Variants in NELL1 observed in about 807,000 individuals in gnomAD.
The protein encoded by NELL1 is protein kinase C-binding protein NELL1.
A neutral mutation model predicts 107.4 loss-of-function variants in NELL1; 76 were observed. The observed-to-expected ratio is 0.71, with a 90% CI of 0.59 to 0.86. The LOEUF (loss-of-function observed/expected upper bound fraction) is 0.86, where lower values mean the gene tolerates loss of function less well. Among genes scored for constraint, NELL1 ranks in the 40% least tolerant of loss-of-function variants. NELL1 has a pLI of 0.00. For synonymous variants in NELL1, 353 were observed against 341.2 expected, an observed-to-expected ratio of 1.03 and a Z score of -0.38; for missense variants, 1,024 against 1,005.5, an observed-to-expected ratio of 1.02 and a Z score of -0.25.
intron 5 of NELL1, among the ~76,000 whole-genome samples, chr11:20,886,628 C>T (rs992348115): frequency 2.0e-5 from 3 of 152,104 alleles, no homozygotes; most frequent in Admixed American, 2.0e-4. Context: ...CGCATGTTCT[C>T]ACTCACAGGT....
intron 15 of NELL1, among the ~76,000 whole-genome samples, chr11:21,384,115 C>T (rs1354390804): frequency 6.6e-6 from 1 of 151,956 alleles, no homozygotes; most frequent in Non-Finnish European, 1.5e-5. Flanking sequence ...ATGACAACAT[C>T]ATCATCTCTA....
chr11:21,277,278 G>A (rs1050515819), intron 14 of NELL1, among the ~76,000 whole-genome samples: 2 of 152,126 alleles, frequency 1.3e-5, no homozygotes, highest in African/African-American at 4.8e-5. Context: ...CATTTATGCA[G>A]CCAAAAGACA....
chr11:20,948,565 T>C (rs147199776), intron 11 of NELL1, among the ~76,000 whole-genome samples: 1 of 152,108 alleles, frequency 6.6e-6, no homozygotes, highest in East Asian at 1.9e-4. Context: ...TACTGTACTA[T>C]CCAATAAATT....
intron 2 of NELL1, among the ~76,000 whole-genome samples, chr11:20,739,347 T>C (rs1377794778): frequency 2.0e-5 from 3 of 152,232 alleles, no homozygotes; most frequent in African/African-American, 7.2e-5. Context: ...CTTTGTGCTG[T>C]ATTTGCAGAT....
intron 14 of NELL1, among the ~76,000 whole-genome samples, chr11:21,295,978 C>T (rs1364659536): frequency 6.6e-6 from 1 of 151,960 alleles, no homozygotes; most frequent in Non-Finnish European, 1.5e-5. Flanking sequence ...CTCATATGGG[C>T]TCTGATCAGT....
At chr11:20,869,562 G>A (rs1849158268) in intron 4 of NELL1, among the ~76,000 whole-genome samples, 1 of 152,160 alleles carries the variant, frequency 6.6e-6, no homozygotes, top group South Asian at 2.1e-4. Context: ...TACAATTTGA[G>A]TGCATAAGTG....
At chr11:21,304,590 C>G (rs1849568453) in intron 14 of NELL1, among the ~76,000 whole-genome samples, 5 of 151,354 alleles carry the variant, frequency 3.3e-5, no homozygotes, top group Admixed American at 3.3e-4. Flanking sequence ...CTCTCTCTCT[C>G]CTTTAAAGCA....
chr11:21,397,546 T>C (rs1245588260), intron 15 of NELL1, among the ~76,000 whole-genome samples: 1 of 151,684 alleles, frequency 6.6e-6, no homozygotes, highest in African/African-American at 2.4e-5. Flanking sequence ...ATTGTATTAT[T>C]TTAAGTCATA....
chr11:20,785,711 C>T (rs1010101935), intron 3 of NELL1, among the ~76,000 whole-genome samples: 4 of 152,174 alleles, frequency 2.6e-5, no homozygotes, highest in African/African-American at 9.7e-5. Context: ...TCTTCAATGT[C>T]TTGGAACTTC....
chr11:21,051,463 A>G (rs1021823532), intron 12 of NELL1, among the ~76,000 whole-genome samples: 2 of 152,122 alleles, frequency 1.3e-5, no homozygotes, highest in African/African-American at 4.8e-5. Flanking sequence ...GTGCACCAAA[A>G]TCTCAGAAGC....
chr11:21,348,242 GAT>G, intron 14 of NELL1, among the ~76,000 whole-genome samples: 2 of 152,218 alleles, frequency 1.3e-5, no homozygotes, highest in Admixed American at 1.3e-4. Flanking sequence ...GAAGACTTTG[GAT>G]ATAAGATGAA....
At chr11:21,272,663 A>G (rs548781761) in intron 14 of NELL1, among the ~76,000 whole-genome samples, 2 of 152,358 alleles carry the variant, frequency 1.3e-5, no homozygotes, top group South Asian at 4.1e-4. Context: ...AAGTAGGGGC[A>G]GACTGACACC....
At chr11:21,197,730 C>T (rs2133844011) in intron 13 of NELL1, among the ~76,000 whole-genome samples, 1 of 152,228 alleles carries the variant, frequency 6.6e-6, no homozygotes, top group Middle Eastern at 3.4e-3. Context: ...TCCTTTAATA[C>T]ACCTCACTTT....
intron 5 of NELL1, among the ~76,000 whole-genome samples, chr11:20,899,000 T>C (rs1849812842): frequency 6.6e-6 from 1 of 152,128 alleles, no homozygotes; most frequent in Non-Finnish European, 1.5e-5. Context: ...TAAACATATA[T>C]GCATAGTAGG....
At chr11:21,402,315 A>G (rs1424050988) in intron 15 of NELL1, among the ~76,000 whole-genome samples, 1 of 151,854 alleles carries the variant, frequency 6.6e-6, no homozygotes. Flanking sequence ...GAAAGAAAGT[A>G]ACCTGAAATT....
At chr11:20,891,817 C>T (rs1849622176) in intron 5 of NELL1, among the ~76,000 whole-genome samples, 1 of 152,120 alleles carries the variant, frequency 6.6e-6, no homozygotes, top group African/African-American at 2.4e-5. Flanking sequence ...AGATAACTAT[C>T]CTAAATACAT....
chr11:21,177,286 G>A (rs1359753955), intron 13 of NELL1, among the ~76,000 whole-genome samples: 1 of 151,462 alleles, frequency 6.6e-6, no homozygotes, highest in African/African-American at 2.4e-5. Flanking sequence ...TTCAGCCCCT[G>A]GTAACCACCG....
intron 12 of NELL1, among the ~76,000 whole-genome samples, chr11:20,971,232 A>T (rs191516493): frequency 8.9e-4 from 135 of 152,166 alleles, no homozygotes; most frequent in East Asian, 1.7e-3. Context: ...ATGCTGAGAC[A>T]TTTTTTTGGC....
At chr11:20,861,722 G>A (rs757165260) in intron 4 of NELL1, among the ~76,000 whole-genome samples, 2 of 152,208 alleles carry the variant, frequency 1.3e-5, no homozygotes, top group Admixed American at 6.5e-5. Context: ...GTGCTGGCCA[G>A]GGTTAGACAT....
Sources: gnomAD v4.1 joint callset for allele counts (sites outside exome capture counted in the v4.1 genomes callset) on GRCh38, gnomAD v4.1.1 for gene constraint, MANE v1.5 for transcripts, NCBI Gene and HGNC (gene_info 2026-07-23, HGNC 2026-07-21) for gene names.